PAPPA2: variants seen among roughly 807,000 people sequenced by gnomAD.
PAPPA2 encodes the protein pappalysin 2.
In PAPPA2, 86 loss-of-function variants were observed where a neutral mutation model predicts 176.4. The ratio of observed to expected loss-of-function variants is 0.49; its 90% CI spans 0.41 to 0.58. PAPPA2 has a LOEUF of 0.58. Among genes scored for constraint, PAPPA2 ranks in the 20% least tolerant of loss-of-function variants. The pLI, the probability that PAPPA2 is intolerant of heterozygous loss-of-function variation, is 0.00. For missense variants in PAPPA2, 2,073 were observed against 2,256.9 expected (o/e 0.92, Z 1.65); for synonymous variants, 809 against 852.2 (o/e 0.95, Z 0.88).
Position 176,619,878 on chromosome 1 carries a change from A to T in PAPPA2, c.1991+24283A>T, listed in dbSNP as rs202177127. Among the ~76,000 whole-genome samples the T allele has an allele frequency of 3.0e-4, 13 of 43,652 alleles. No individual in the cohort carries two copies. The Admixed American group carries it at 4.4e-3, about 15-fold the overall frequency. The allele number at this position is 43,652 out of a possible 152,430, so 28.6% of individuals were successfully genotyped here. On this transcript the variant is annotated intron_variant, in intron 3 of 22. Transcript: ENST00000367662. ...TAAAGTAACTCAGTAAACTCATAAT[A>T]AAACAATTCATTGATTTTGGTGCCT...
chr1:176,514,830 G>A (rs982702530), intron 1 of PAPPA2, among the ~76,000 whole-genome samples: 1 of 152,182 alleles, frequency 6.6e-6, no homozygotes, highest in Non-Finnish European at 1.5e-5. Context: ...AGCCTCTCCG[G>A]CTTGTGCATA....
chr1:176,733,167 G>A (rs546854280), intron 12 of PAPPA2, among the ~76,000 whole-genome samples: 12 of 152,290 alleles, frequency 7.9e-5, no homozygotes, highest in Non-Finnish European at 1.5e-4. Context: ...TAGGTTCCTT[G>A]AGCTAAAAAG....
At chr1:176,754,571 G>A (rs762278841) in intron 14 of PAPPA2, among the ~76,000 whole-genome samples, 1 of 152,224 alleles carries the variant, frequency 6.6e-6, no homozygotes, top group East Asian at 1.9e-4. Flanking sequence ...TCAAAAATAA[G>A]CCCCATGGCC....
intron 1 of PAPPA2, among the ~76,000 whole-genome samples, chr1:176,510,721 A>G (rs569619454): frequency 4.6e-5 from 7 of 151,868 alleles, no homozygotes; most frequent in Non-Finnish European, 1.0e-4. Flanking sequence ...GAAGGAGAAA[A>G]TGGAAGAATA....
chr1:176,659,574 A>G (rs928943645), intron 3 of PAPPA2, among the ~76,000 whole-genome samples: 2 of 152,136 alleles, frequency 1.3e-5, no homozygotes, highest in African/African-American at 4.8e-5. Flanking sequence ...TATGGGGGAC[A>G]CATTTAACTC....
chr1:176,815,526 A>G (rs1666338634), intron 21 of PAPPA2, among the ~76,000 whole-genome samples: 1 of 152,156 alleles, frequency 6.6e-6, no homozygotes, highest in South Asian at 2.1e-4. Context: ...ACACATAAAC[A>G]TGCATACATG....
chr1:176,716,063 A>G lies in PAPPA2; in HGVS notation c.3798+4082A>G, dbSNP rs142179456. ...AAAAAATCTATGAACAAACTACCCG[A>G]TAACACAAATACAATGAGGGTACTG... On this transcript the variant is annotated intron_variant, in intron 12 of 22. Transcript: ENST00000367662. Among the ~76,000 whole-genome samples the G allele has an allele frequency of 2.3e-3, 346 of 151,680 alleles. 1 individual carries two copies. The highest frequency in any genetic ancestry group is 8.0e-3 in the African/African-American group (333 of 41,444).
chr1:176,556,358 G>T lies in PAPPA2; in HGVS notation c.36G>T (p.Ala12=). The change falls in exon 2 of 23, where the codon GCG becomes GCT. Residue 12 remains alanine, a synonymous_variant. Coordinates refer to ENST00000367662, the MANE Select transcript of PAPPA2 (RefSeq NM_020318.3). ...TAAAGATCCTAAGAATAAGCCTGGC[G>T]ATTTTGGCTGGGTGGGCACTCTGTT... ...MCLKILRISL[A]ILAGWALCSA... 1 of 1,614,120 alleles carries T rather than the reference G, an allele frequency of 6.2e-7. No individual in the cohort carries two copies. Among genetic ancestry groups the T allele is most frequent in the Non-Finnish European group, 8.5e-7 (1 of 1,180,004 alleles).
intron 1 of PAPPA2, among the ~76,000 whole-genome samples, chr1:176,514,386 C>G (rs1648785331): frequency 6.6e-6 from 1 of 152,150 alleles, no homozygotes; most frequent in African/African-American, 2.4e-5. Flanking sequence ...GGGATCTGCC[C>G]CATGACCCAA....
intron 7 of PAPPA2, among the ~76,000 whole-genome samples, chr1:176,696,364 G>T (rs1660382831): frequency 6.6e-6 from 1 of 151,500 alleles, no homozygotes; most frequent in Non-Finnish European, 1.5e-5. Context: ...AGTCTGGGTG[G>T]GGGTGGGGAG....
chr1:176,704,207 A>T (rs1258126814), intron 9 of PAPPA2, among the ~76,000 whole-genome samples: 1 of 152,096 alleles, frequency 6.6e-6, no homozygotes, highest in South Asian at 2.1e-4. Context: ...AGCTTCATCT[A>T]AGGCAGCACT....
At chr1:176,600,581 C>G (rs1654257552) in intron 3 of PAPPA2, among the ~76,000 whole-genome samples, 1 of 147,606 alleles carries the variant, frequency 6.8e-6, no homozygotes, top group Admixed American at 6.9e-5. Flanking sequence ...GAGGCTGAGG[C>G]AGGAGAATGG....
chr1:176,585,806 G>A (rs560419526), intron 2 of PAPPA2, among the ~76,000 whole-genome samples: 1 of 151,924 alleles, frequency 6.6e-6, no homozygotes, highest in African/African-American at 2.4e-5. Flanking sequence ...TTTATTCATT[G>A]AATTATCCAG....
intron 12 of PAPPA2, among the ~76,000 whole-genome samples, chr1:176,712,641 T>G (rs1661196476): frequency 6.6e-6 from 1 of 152,222 alleles, no homozygotes; most frequent in Non-Finnish European, 1.5e-5. Context: ...CTATTACAAG[T>G]CATTCTGCTA....
At chr1:176,595,934 A>G (rs1653954272) in intron 3 of PAPPA2, among the ~76,000 whole-genome samples, 1 of 152,222 alleles carries the variant, frequency 6.6e-6, no homozygotes, top group Admixed American at 6.5e-5. Flanking sequence ...GGAAATCTTC[A>G]TGGAGAACAA....
intron 14 of PAPPA2, among the ~76,000 whole-genome samples, chr1:176,758,070 G>A (rs1663513163): frequency 6.6e-6 from 1 of 152,104 alleles, no homozygotes; most frequent in Non-Finnish European, 1.5e-5. Flanking sequence ...ACTTTCCCAG[G>A]GTAGGAATGG....
intron 3 of PAPPA2, among the ~76,000 whole-genome samples, chr1:176,600,006 T>C (rs1385841481): frequency 6.6e-6 from 1 of 152,162 alleles, no homozygotes; most frequent in Admixed American, 6.5e-5. Flanking sequence ...GAATCTTTAT[T>C]ATTAAAAATA....
intron 1 of PAPPA2, among the ~76,000 whole-genome samples, chr1:176,505,019 C>G (rs979360953): frequency 6.6e-6 from 1 of 152,098 alleles, no homozygotes; most frequent in African/African-American, 2.4e-5. Context: ...CTACCTAATA[C>G]AGGGAGTTAC....
At chr1:176,465,855 TCTC>T (rs1651596048) in intron 1 of PAPPA2, among the ~76,000 whole-genome samples, 1 of 152,152 alleles carries the variant, frequency 6.6e-6, no homozygotes, top group African/African-American at 2.4e-5. Flanking sequence ...TGTCATGTGT[TCTC>T]ATCATTTAGC....
Sources: gnomAD v4.1 joint callset for allele counts (sites outside exome capture counted in the v4.1 genomes callset) on GRCh38, gnomAD v4.1.1 for gene constraint, MANE v1.5 for transcripts, NCBI Gene and HGNC (gene_info 2026-07-23, HGNC 2026-07-21) for gene names.